Variants in LAMA5 observed in about 807,000 individuals in gnomAD.
LAMA5 encodes the protein laminin subunit alpha-5.
A neutral mutation model predicts 433.4 loss-of-function variants in LAMA5; 260 were observed. The ratio of observed to expected loss-of-function variants is 0.60; its 90% CI spans 0.54 to 0.66. LAMA5 has a LOEUF of 0.66. LAMA5 is among the 30% of genes least tolerant of loss of function. LAMA5 has a pLI of 0.00. For synonymous variants in LAMA5, 2,620 were observed against 2,226.6 expected (o/e 1.18, Z -4.97); for missense variants, 5,378 against 5,258.5 (o/e 1.02, Z -0.70).
At chr20:62,320,245 G>A (rs1173585721) in intron 50 of LAMA5, among the ~76,000 whole-genome samples, 1 of 147,588 alleles carries the variant, frequency 6.8e-6, no homozygotes, top group East Asian at 2.0e-4. Flanking sequence ...TTGAACCCGG[G>A]AGGCAGAGGT....
Position 62,322,459 on chromosome 20 carries a change from A to G in LAMA5, c.6166-10T>C. 1 of 1,571,308 alleles carries G rather than the reference A, an allele frequency of 6.4e-7. No individual in the cohort carries two copies. The highest frequency in any genetic ancestry group is 1.2e-5 in the South Asian group (1 of 86,156). ...AACCAAAATGTCCCTCCTGTGGCAC[A>G]GGCTGGTCACTGCCCTGCCCAGCCC... On this transcript the variant is annotated splice_polypyrimidine_tract_variant and intron_variant, in intron 46 of 79. Coordinates refer to ENST00000252999, the MANE Select transcript of LAMA5 (RefSeq NM_005560.6).
rs1379484941 is a variant in LAMA5 at position 62,315,901 on chromosome 20, G to A, written c.7867+47C>T. On this transcript the variant is annotated intron_variant, in intron 58 of 79. Transcript: ENST00000252999. ...ATGTGGCCAGCGCCACTGTCACAGA[G>A]CCTCATGGTCGGCCGGCTGCGAGAG... The A allele has an allele frequency of 7.8e-6, 11 of 1,407,178 alleles. No individual in the cohort carries two copies. In the South Asian group the frequency reaches 1.1e-4, roughly 14 times the overall value. 87.2% of individuals were successfully genotyped at this position (1,407,178 alleles called of 1,614,324 possible). A position where few individuals can be genotyped will look rare whatever the true frequency, so the allele number is the denominator to read the frequency against.
chr20:62,345,776 T>C (rs1351807208), intron 11 of LAMA5, 42 bp downstream of exon 11: 1 of 1,459,314 alleles, frequency 6.9e-7, no homozygotes, highest in East Asian at 2.5e-5. Flanking sequence ...CCCCCATGGC[T>C]CCAGGGCAGG....
chr20:62,359,166 C>T lies in LAMA5; in HGVS notation c.450+3234G>A, dbSNP rs922625926. On this transcript the variant is annotated intron_variant, in intron 2 of 79. Coordinates refer to ENST00000252999, the MANE Select transcript of LAMA5 (RefSeq NM_005560.6). This position sits in a 1 kb window ranked among gnomAD's most constrained non-coding sequence, Gnocchi z 4.3. ...GAGAACAAAGCAGGGGCCTCCCTAC[C>T]GGAAGGGGGCCCGTGCGTCCTCACT... Among the ~76,000 whole-genome samples the T allele has an allele frequency of 1.2e-4, 19 of 152,160 alleles. No homozygotes were observed. The highest frequency in any genetic ancestry group is 2.9e-4 in the African/African-American group (12 of 41,436).
At position 62,315,222 on chromosome 20, in the gene LAMA5, G is replaced by A; in HGVS notation, c.7868-15C>T. The A allele has an allele frequency of 1.3e-6, 2 of 1,592,840 alleles. No individual in the cohort carries two copies. The highest frequency in any genetic ancestry group is 1.7e-6 in the Non-Finnish European group (2 of 1,168,718). Reference sequence around the variant, plus strand: ...GCTTGTCTCGTCTGTGGTGGGCAGAGGGCAGGCTCAGCAGGGGCCAGCGGG... The same window carrying A: ...GCTTGTCTCGTCTGTGGTGGGCAGAAGGCAGGCTCAGCAGGGGCCAGCGGG... On this transcript the variant is annotated splice_polypyrimidine_tract_variant and intron_variant, in intron 58 of 79. Coordinates refer to ENST00000252999, the MANE Select transcript of LAMA5 (RefSeq NM_005560.6).
chr20:62,316,298 C>A, intron 57 of LAMA5: 3 of 576,966 alleles, frequency 5.2e-6, no homozygotes, highest in South Asian at 2.1e-5. Context: ...ACAGATGAAA[C>A]AATAGAGGCT....
At chr20:62,349,429 A>G (rs1440130822) in intron 6 of LAMA5, among the ~76,000 whole-genome samples, 1 of 151,754 alleles carries the variant, frequency 6.6e-6, no homozygotes, top group Admixed American at 6.6e-5. Flanking sequence ...TGCAAGGACA[A>G]TGGACTCTCC....
chr20:62,357,306 C>A (rs1985380402), intron 2 of LAMA5, among the ~76,000 whole-genome samples: 1 of 152,222 alleles, frequency 6.6e-6, no homozygotes, highest in South Asian at 2.1e-4. Flanking sequence ...GTGCCAATTC[C>A]CGGGGCAGGA....
chr20:62,321,730 T>TGGAGGGGTGGGGCCAGG (rs1250544622), intron 48 of LAMA5, among the ~76,000 whole-genome samples: 1 of 7,908 alleles, frequency 1.3e-4, no homozygotes, highest in Non-Finnish European at 2.5e-4. Context: ...GTGGGGTCAG[T>TGGAGGGGTGGGGCCAGG]GGAGGGGTGG....
chr20:62,334,889 A>G, intron 20 of LAMA5, 132 bp downstream of exon 20: 1 of 842,514 alleles, frequency 1.2e-6, no homozygotes, highest in Non-Finnish European at 1.9e-6. Flanking sequence ...ACAGGCTGGC[A>G]CCAAGGGGCA....
chr20:62,360,564 A>AG lies in LAMA5; in HGVS notation c.450+1835dup, dbSNP rs1985956646. 4.2e-4 allele frequency among the ~76,000 whole-genome samples: 3 copies of AG among 7,218 alleles called. 1 individual carries two copies. Among genetic ancestry groups the AG allele is most frequent in the African/African-American group, 1.0e-3 (3 of 2,874 alleles). 4.7% of individuals were successfully genotyped at this position (7,218 alleles called of 152,430 possible). ...ATGGGTGGTGGGTGGGTGGAGGGAT[A>AG]GATGGGTGGATGGGTGGGTAGAAGG... is the stretch of plus-strand genomic sequence containing the variant. On this transcript the variant is annotated intron_variant, in intron 2 of 79. Transcript: ENST00000252999.
At chr20:62,321,684 GGT>G (rs1987808495) in intron 48 of LAMA5, among the ~76,000 whole-genome samples, 2 of 107,122 alleles carry the variant, frequency 1.9e-5, no homozygotes, top group African/African-American at 3.6e-5. Context: ...TCAGTGGAGG[GGT>G]GGGGTCAGTG....
Position 62,310,469 on chromosome 20 carries a change from G to A in LAMA5, c.10550C>T (p.Pro3517Leu), listed in dbSNP as rs966278613. Residue 3517 changes from proline (P) to leucine (L), a missense_variant, in exon 76 of 80, where the codon CCC becomes CTC. Transcript: ENST00000252999. ...MAGVTPCILG[P>L]LEAGLFFPGS... ...TGGGAAGAACAGGCCCGCCTCCAGG[G>A]GGCCCAAGATGCAGGGTGTGACCCC... is the stretch of plus-strand genomic sequence containing the variant. 4.4e-6 allele frequency: 7 copies of A among 1,598,236 alleles called. No individual in the cohort carries two copies. The highest frequency in any genetic ancestry group is 3.5e-5 in the Admixed American group (2 of 57,046).
At chr20:62,315,313 A>G in intron 58 of LAMA5, 106 bp from the exon 59 acceptor site, 2 of 979,064 alleles carry the variant, frequency 2.0e-6, no homozygotes, top group South Asian at 1.6e-5. Flanking sequence ...CCAACCCCCT[A>G]TGGATCGTGT....
Position 62,335,793 on chromosome 20 carries a change from G to A in LAMA5, c.2324-524C>T, listed in dbSNP as rs768514260. The stretch of plus-strand genomic sequence containing the variant: ...GCACACTCATGGACTCCAGTCCCAC[G>A]CAGGAACCCCCTGCACCCCAACATT... On this transcript the variant is annotated intron_variant, in intron 18 of 79. Coordinates refer to ENST00000252999, the MANE Select transcript of LAMA5 (RefSeq NM_005560.6). Among the ~76,000 whole-genome samples, 76 of 101,822 alleles carry A rather than the reference G, an allele frequency of 7.5e-4. 1 individual carries two copies. Among genetic ancestry groups the A allele is most frequent in the Non-Finnish European group, 1.2e-3 (61 of 51,784 alleles). 66.8% of individuals were successfully genotyped at this position (101,822 alleles called of 152,430 possible). A position where few individuals can be genotyped will look rare whatever the true frequency, so the allele number is the denominator to read the frequency against.
Position 62,351,721 on chromosome 20 carries a change from G to T in LAMA5, c.939C>A (p.Asp313Glu). ...HGHADACDAK[D>E]PTDPFRLQCT... ...GGCCTCACCTGAACGGGTCCGTGGGGTCTTTGGCATCGCAGGCATCCGCGT... is the reference window on the plus strand; with the variant it reads ...GGCCTCACCTGAACGGGTCCGTGGGTTCTTTGGCATCGCAGGCATCCGCGT... Residue 313 changes from aspartate (D) to glutamate (E), a missense_variant, in exon 6 of 80, where the codon GAC becomes GAA. Transcript: ENST00000252999. The T allele has an allele frequency of 6.2e-7, 1 of 1,611,884 alleles. No homozygotes were observed. The highest frequency in any genetic ancestry group is 1.3e-5 in the African/African-American group (1 of 75,056).
In LAMA5 at chr20:62,346,719, C is replaced by T. The variant is rs866513374; in HGVS notation, c.1154G>A (p.Gly385Asp). The T allele has an allele frequency of 1.2e-6, 2 of 1,613,306 alleles. No individual in the cohort carries two copies. Among genetic ancestry groups the T allele is most frequent in the Non-Finnish European group, 1.7e-6 (2 of 1,179,918 alleles). ...ACAGACACCCCCACCCTGATAGGTG[C>T]CATCCAGGCTCTGGCTGGCGCGGCG... ...DRRRASQSLD[G>D]TYQGGGVCID... The change falls in exon 8 of 80, where the codon GGC becomes GAC. Residue 385 changes from glycine (G) to aspartate (D), a missense_variant. Transcript: ENST00000252999.
chr20:62,310,079 G>A lies in LAMA5; in HGVS notation c.10737C>T (p.Val3579=). ...CTGCTCCGTCATCCGCCCGCAGCAG[G>A]ACCTGGCGGGGTAGGAAGGGAGGGT... The part of the protein sequence containing the change: ...YLQLQVTEKQ[V]LLRADDGAGE... The change falls in exon 78 of 80, where the codon GTC becomes GTT. Residue 3579 remains valine (V), a splice_region_variant and synonymous_variant. Transcript: ENST00000252999. The A allele has an allele frequency of 6.2e-7, 1 of 1,611,428 alleles. No homozygotes were observed.
intron 11 of LAMA5, among the ~76,000 whole-genome samples, chr20:62,344,262 A>G (rs1033420564): frequency 6.6e-6 from 1 of 151,644 alleles, no homozygotes; most frequent in Non-Finnish European, 1.5e-5. Context: ...CCTACCAACT[A>G]GACTGTGATA....
Sources: gnomAD v4.1 joint callset for allele counts (sites outside exome capture counted in the v4.1 genomes callset) on GRCh38, gnomAD v4.1.1 for gene constraint, Gnocchi (gnomAD v3.1) non-coding constraint, MANE v1.5 for transcripts, NCBI Gene and HGNC (gene_info 2026-07-23, HGNC 2026-07-21) for gene names.